MED12L: variants seen among roughly 807,000 people sequenced by gnomAD.
MED12L encodes the protein mediator complex subunit 12L.
A neutral mutation model predicts 281.3 loss-of-function variants in MED12L; 60 were observed. The observed-to-expected ratio is 0.21, with a 90% CI of 0.17 to 0.26. MED12L has a LOEUF of 0.26. Ranked by LOEUF, MED12L falls within the 10% of genes least tolerant of loss-of-function variation. The probability of loss-of-function intolerance (pLI) is 1.00; values close to 1 mark genes in which losing one functional copy is unlikely to be tolerated. For synonymous variants in MED12L, 974 were observed against 987.2 expected (o/e 0.99, Z 0.25); for missense variants, 2,146 against 2,680.9 (o/e 0.80, Z 4.41).
intron 11 of MED12L, among the ~76,000 whole-genome samples, chr3:151,173,966 A>G (rs919420492): frequency 6.6e-6 from 1 of 152,228 alleles, no homozygotes; most frequent in African/African-American, 2.4e-5. Context: ...AATTTTGGAA[A>G]TTACGCATAA....
intron 13 of MED12L, 107 bp from the exon 14 acceptor site, chr3:151,190,610 C>T (rs1723848460): frequency 1.0e-6 from 1 of 1,004,832 alleles, no homozygotes; most frequent in Non-Finnish European, 1.5e-6. Context: ...TCTTTTTTTT[C>T]CCCAGAAAAG....
chr3:151,357,129 G>C, intron 19 of MED12L, 84 bp from the exon 20 acceptor site: 1 of 1,162,584 alleles, frequency 8.6e-7, no homozygotes, highest in Non-Finnish European at 1.2e-6. Flanking sequence ...TAATGACTCA[G>C]TATATCTATG....
intron 16 of MED12L, among the ~76,000 whole-genome samples, chr3:151,323,381 C>T (rs1288022298): frequency 6.6e-6 from 1 of 152,178 alleles, no homozygotes; most frequent in Non-Finnish European, 1.5e-5. Flanking sequence ...TAGAAACCTT[C>T]AACGACTCAT....
intron 39 of MED12L, among the ~76,000 whole-genome samples, chr3:151,395,535 T>C (rs547632648): frequency 6.6e-6 from 1 of 152,362 alleles, no homozygotes; most frequent in South Asian, 2.1e-4. Flanking sequence ...GTCTGTACAT[T>C]AAAATAAAGT....
chr3:151,268,337 A>G (rs983326926), intron 16 of MED12L, among the ~76,000 whole-genome samples: 1 of 152,186 alleles, frequency 6.6e-6, no homozygotes, highest in African/African-American at 2.4e-5. Context: ...AATTCAGTCT[A>G]TGCTAATGAC....
chr3:151,345,780 G>T (rs1395689494), intron 16 of MED12L, among the ~76,000 whole-genome samples: 1 of 151,976 alleles, frequency 6.6e-6, no homozygotes, highest in Non-Finnish European at 1.5e-5. Flanking sequence ...GCCTCCCAAA[G>T]TGCTGGGATT....
chr3:151,390,629 A>C lies in MED12L; in HGVS notation c.5608+494A>C, dbSNP rs185591560. 8.5e-5 allele frequency among the ~76,000 whole-genome samples: 13 copies of C among 152,368 alleles called. No homozygotes were observed. In the East Asian group the frequency reaches 2.5e-3, roughly 29 times the overall value. ...CAAGCCCAAGTAGATTTCTCGTCCCAAATGAAAATTTTCTAAATGAAAACA... is the reference window on the plus strand; with the variant it reads ...CAAGCCCAAGTAGATTTCTCGTCCCCAATGAAAATTTTCTAAATGAAAACA... On this transcript the variant is annotated intron_variant, in intron 38 of 44. Coordinates refer to ENST00000687756, the MANE Select transcript of MED12L (RefSeq NM_001393769.1).
In MED12L at chr3:151,086,894, T is replaced by C; in HGVS notation, c.-33T>C. The C allele has an allele frequency of 6.5e-7, 1 of 1,541,084 alleles. No individual in the cohort carries two copies. The highest frequency in any genetic ancestry group is 1.2e-5 in the South Asian group (1 of 83,734). On this transcript the variant is annotated 5_prime_UTR_variant, in exon 2 of 45. Transcript: ENST00000687756. ...CAGAGGCGGCTGCTCCAGCTCCAAC[T>C]CTCATTCATTTCGCCGGTTAACATG...
chr3:151,429,385 G>A (rs924203510), intron 43 of MED12L, among the ~76,000 whole-genome samples: 1 of 152,186 alleles, frequency 6.6e-6, no homozygotes, highest in Non-Finnish European at 1.5e-5. Flanking sequence ...GAAACAGCCA[G>A]CACCGTGCTG....
intron 5 of MED12L, among the ~76,000 whole-genome samples, chr3:151,147,485 C>T (rs1717900236): frequency 6.6e-6 from 1 of 152,210 alleles, no homozygotes; most frequent in Non-Finnish European, 1.5e-5. Flanking sequence ...TTTCGCTACC[C>T]CTGAAAAACC....
At chr3:151,345,210 C>T (rs1430920641) in intron 16 of MED12L, among the ~76,000 whole-genome samples, 1 of 152,168 alleles carries the variant, frequency 6.6e-6, no homozygotes, top group African/African-American at 2.4e-5. Flanking sequence ...AATTCAATAG[C>T]AGCAGGTGGA....
rs566449022 is a variant in MED12L at position 151,433,466 on chromosome 3, A to C, written c.*662A>C. On this transcript the variant is annotated 3_prime_UTR_variant, in exon 45 of 45. Coordinates refer to ENST00000687756, the MANE Select transcript of MED12L (RefSeq NM_001393769.1). The stretch of plus-strand genomic sequence containing the variant: ...ACTTCTTAAACCAAGAACCTAAACC[A>C]AGGTTTCTTTGAGAGCCGCCCTAAG... 6.5e-6 allele frequency: 1 copy of C among 152,774 alleles called. No individual in the cohort carries two copies. Among genetic ancestry groups the C allele is most frequent in the East Asian group, 1.9e-4 (1 of 5,194 alleles). The allele number at this position is 152,774 out of a possible 1,614,324, so 9.5% of individuals were successfully genotyped here.
chr3:151,430,480 C>A, intron 44 of MED12L, 100 bp downstream of exon 44: 2 of 1,543,456 alleles, frequency 1.3e-6, no homozygotes, highest in Non-Finnish European at 1.8e-6. Flanking sequence ...GTACCATCTT[C>A]CTCAGTACAA....
intron 16 of MED12L, among the ~76,000 whole-genome samples, chr3:151,315,945 G>A (rs1004703168): frequency 3.3e-5 from 5 of 152,176 alleles, no homozygotes; most frequent in Non-Finnish European, 5.9e-5. Flanking sequence ...AAAGAACTGA[G>A]ATCTCCATGC....
At chr3:151,230,090 C>T (rs541390984) in intron 16 of MED12L, among the ~76,000 whole-genome samples, 7 of 152,256 alleles carry the variant, frequency 4.6e-5, no homozygotes, top group African/African-American at 1.4e-4. Context: ...CCGCCTCTGC[C>T]TCCCAAGTAG....
At chr3:151,191,920 A>G (rs3116552) in intron 14 of MED12L, among the ~76,000 whole-genome samples, 1 of 150,440 alleles carries the variant, frequency 6.6e-6, no homozygotes, top group Admixed American at 6.6e-5. Context: ...AACAAACAAA[A>G]AAAAAAAAAA....
At chr3:151,368,685 A>ATTTTTTT in intron 25 of MED12L, among the ~76,000 whole-genome samples, 1 of 41,376 alleles carries the variant, frequency 2.4e-5, no homozygotes, top group South Asian at 9.4e-4. Context: ...ATGTCATTTC[A>ATTTTTTT]TTTTATTTCA....
chr3:151,421,898 G>T (rs1434381331), intron 43 of MED12L, among the ~76,000 whole-genome samples: 1 of 152,126 alleles, frequency 6.6e-6, no homozygotes, highest in Non-Finnish European at 1.5e-5. Flanking sequence ...AGGGTGGTAA[G>T]GTAGCTGTTG....
intron 16 of MED12L, among the ~76,000 whole-genome samples, chr3:151,347,485 CTT>C (rs1270565711): frequency 1.5e-4 from 23 of 152,324 alleles, no homozygotes; most frequent in Admixed American, 5.2e-4. Context: ...CCAAAGTCTA[CTT>C]CCCCTCCTTC....
Sources: gnomAD v4.1 joint callset for allele counts (sites outside exome capture counted in the v4.1 genomes callset) on GRCh38, gnomAD v4.1.1 for gene constraint, MANE v1.5 for transcripts, NCBI Gene and HGNC (gene_info 2026-07-23, HGNC 2026-07-21) for gene names.